ATP6V1E1: variants seen among roughly 807,000 people sequenced by gnomAD.
ATP6V1E1 encodes V-type proton ATPase subunit E 1.
Under a neutral mutation model 35.2 loss-of-function variants are expected in ATP6V1E1, and 21 were observed. The ratio of observed to expected loss-of-function variants is 0.60; its 90% CI spans 0.42 to 0.86. The LOEUF is 0.86. ATP6V1E1 is among the 40% of genes least tolerant of loss of function. ATP6V1E1 has a pLI of 0.00. For synonymous variants in ATP6V1E1, 83 were observed against 87.8 expected, an observed-to-expected ratio of 0.95 and a Z score of 0.30; for missense variants, 183 against 272.6, an observed-to-expected ratio of 0.67 and a Z score of 2.32.
intron 5 of ATP6V1E1, chr22:17,600,819 A>T (rs2057758277): frequency 4.3e-6 from 1 of 234,168 alleles, no homozygotes; most frequent in African/African-American, 2.3e-5. Flanking sequence ...AGCCATTGCA[A>T]GCAAATTTGA....
intron 1 of ATP6V1E1, among the ~76,000 whole-genome samples, chr22:17,625,568 G>T (rs5747290): frequency 3.3e-5 from 5 of 151,868 alleles, no homozygotes; most frequent in Admixed American, 1.3e-4. Flanking sequence ...GGCGTGAGCC[G>T]GCCAGGAAAA....
At chr22:17,620,952 C>T (rs1226690588) in intron 1 of ATP6V1E1, among the ~76,000 whole-genome samples, 1 of 152,048 alleles carries the variant, frequency 6.6e-6, no homozygotes, top group African/African-American at 2.4e-5. Context: ...GTTCCAGCTA[C>T]TTGGGAGGCT....
chr22:17,603,378 A>C (rs546523758), intron 4 of ATP6V1E1, among the ~76,000 whole-genome samples: 1 of 151,418 alleles, frequency 6.6e-6, no homozygotes, highest in South Asian at 2.1e-4. Flanking sequence ...AAAAAAAATC[A>C]GGTGGTGAGC....
intron 1 of ATP6V1E1, among the ~76,000 whole-genome samples, chr22:17,624,328 G>C (rs948007836): frequency 4.0e-4 from 61 of 152,284 alleles, no homozygotes; most frequent in African/African-American, 1.4e-3. Context: ...GGCTGAGGCG[G>C]GCAGATCACG....
chr22:17,595,335 C>T (rs897957494), intron 7 of ATP6V1E1: 1 of 152,186 alleles, frequency 6.6e-6, no homozygotes, highest in African/African-American at 2.4e-5. Context: ...GAGTGAGTCA[C>T]CGCGCCCAGC....
Position 17,613,391 on chromosome 22 carries a change from C to T in ATP6V1E1, c.100-71G>A, listed in dbSNP as rs1365318064. On this transcript the variant is annotated intron_variant, in intron 2 of 8. Transcript: ENST00000253413. The stretch of plus-strand genomic sequence containing the variant: ...TTAACAGTTTTAAACAGCTGGTGAC[C>T]TGCGTTACTTGCTTATGAACACTAA... 4 of 1,255,772 alleles carry T rather than the reference C, an allele frequency of 3.2e-6. No homozygotes were observed. In the African/African-American group the frequency reaches 4.4e-5, roughly 14 times the overall value. The allele number at this position is 1,255,772 out of a possible 1,614,324, so 77.8% of individuals were successfully genotyped here. A position where few individuals can be genotyped will look rare whatever the true frequency, so the allele number is the denominator to read the frequency against.
intron 1 of ATP6V1E1, among the ~76,000 whole-genome samples, chr22:17,624,287 G>C (rs913060971): frequency 2.0e-5 from 3 of 152,190 alleles, no homozygotes; most frequent in African/African-American, 7.2e-5. Flanking sequence ...CGGGTGCAGT[G>C]GCTGACACCT....
intron 1 of ATP6V1E1, among the ~76,000 whole-genome samples, chr22:17,623,865 T>C (rs1191458265): frequency 1.3e-5 from 2 of 152,074 alleles, no homozygotes; most frequent in Admixed American, 1.3e-4. Context: ...GAAGCCTATT[T>C]ACAGTTAACA....
intron 1 of ATP6V1E1, among the ~76,000 whole-genome samples, chr22:17,622,865 G>A (rs1159669541): frequency 1.3e-5 from 2 of 152,112 alleles, no homozygotes; most frequent in Non-Finnish European, 2.9e-5. Flanking sequence ...TACTCAGGAG[G>A]CTGAGGCAGG....
chr22:17,616,041 A>G (rs7287470), intron 2 of ATP6V1E1, among the ~76,000 whole-genome samples: 4 of 128,540 alleles, frequency 3.1e-5, no homozygotes, highest in African/African-American at 9.3e-5. Context: ...CAAAAAACAA[A>G]CAAACAAACA....
chr22:17,599,317 C>T (rs1200189393), intron 6 of ATP6V1E1, among the ~76,000 whole-genome samples: 7 of 150,954 alleles, frequency 4.6e-5, no homozygotes, highest in Non-Finnish European at 1.0e-4. Flanking sequence ...TGGCTCGCAC[C>T]TGTAATCCCA....
chr22:17,614,950 G>A (rs1441776644), intron 2 of ATP6V1E1, among the ~76,000 whole-genome samples: 8 of 131,718 alleles, frequency 6.1e-5, no homozygotes, highest in South Asian at 2.2e-4. Context: ...GCGAGACACC[G>A]TTTCAAAAAA....
chr22:17,605,758 C>T (rs1475069848), intron 4 of ATP6V1E1, among the ~76,000 whole-genome samples: 1 of 132,900 alleles, frequency 7.5e-6, no homozygotes, highest in Non-Finnish European at 1.5e-5. Flanking sequence ...AGTACAGTGG[C>T]ACAATCATAG....
chr22:17,605,700 T>C (rs1251102557), intron 4 of ATP6V1E1, among the ~76,000 whole-genome samples: 3 of 147,114 alleles, frequency 2.0e-5, no homozygotes, highest in Admixed American at 6.8e-5. Flanking sequence ...TCTCTTTTTT[T>C]TTTTTTTTTT....
At chr22:17,619,323 G>A (rs915731077) in intron 2 of ATP6V1E1, 138 bp downstream of exon 2, 2 of 773,002 alleles carry the variant, frequency 2.6e-6, no homozygotes, top group Non-Finnish European at 4.2e-6. Context: ...AAGGAAGGAG[G>A]GGAAGGAGGG....
At chr22:17,598,086 G>T in intron 7 of ATP6V1E1, 108 bp downstream of exon 7, 2 of 844,412 alleles carry the variant, frequency 2.4e-6, no homozygotes, top group Non-Finnish European at 2.0e-6. Flanking sequence ...CTAGCCTTGT[G>T]TCTAAGAGTG....
chr22:17,628,478 C>A lies in ATP6V1E1; in HGVS notation c.33+125G>T, dbSNP rs2057936810. On this transcript the variant is annotated intron_variant, in intron 1 of 8. Transcript: ENST00000253413. The stretch of plus-strand genomic sequence containing the variant: ...CAGGCCGACCTCTTGGATCTGGTGA[C>A]TTGGAGCAAGGGACCTTCCTGCGGC... 6 of 1,353,304 alleles carry A rather than the reference C, an allele frequency of 4.4e-6. No homozygotes were observed. The South Asian group carries it at 5.8e-5, about 13-fold the overall frequency. 83.8% of individuals were successfully genotyped at this position (1,353,304 alleles called of 1,614,324 possible). A position where few individuals can be genotyped will look rare whatever the true frequency, so the allele number is the denominator to read the frequency against.
At chr22:17,609,288 G>C (rs1466799662) in intron 4 of ATP6V1E1, among the ~76,000 whole-genome samples, 1 of 150,982 alleles carries the variant, frequency 6.6e-6, no homozygotes, top group African/African-American at 2.4e-5. Context: ...AGCCTCTCGA[G>C]TAGCTGGGAC....
chr22:17,606,582 A>G (rs1412350546), intron 4 of ATP6V1E1, among the ~76,000 whole-genome samples: 4 of 152,234 alleles, frequency 2.6e-5, no homozygotes. Flanking sequence ...TAAAAGCTCA[A>G]GCTATATACT....
Sources: gnomAD v4.1 joint callset for allele counts (sites outside exome capture counted in the v4.1 genomes callset) on GRCh38, gnomAD v4.1.1 for gene constraint, MANE v1.5 for transcripts, NCBI Gene and HGNC (gene_info 2026-07-23, HGNC 2026-07-21) for gene names.